ABCA1: variants seen among roughly 807,000 people sequenced by gnomAD.
The protein encoded by ABCA1 is ATP binding cassette subfamily A member 1, also known as phospholipid-transporting ATPase ABCA1.
ABCA1 carries 133 observed loss-of-function variants against 262.5 expected under a neutral mutation model. That is an observed-to-expected ratio of 0.51 (90% CI 0.44 to 0.59). The LOEUF is 0.59. ABCA1 is among the 20% of genes least tolerant of loss of function. The probability of loss-of-function intolerance (pLI) is 0.00; values close to 1 mark genes in which losing one functional copy is unlikely to be tolerated. For synonymous variants in ABCA1, 1,022 were observed against 1,043.5 expected, an observed-to-expected ratio of 0.98 and a Z score of 0.40; for missense variants, 2,452 against 2,777.5, an observed-to-expected ratio of 0.88 and a Z score of 2.63.
chr9:104,912,038 AATAAG>A (rs1276826522), intron 1 of ABCA1, among the ~76,000 whole-genome samples: 1 of 152,246 alleles, frequency 6.6e-6, no homozygotes, highest in Non-Finnish European at 1.5e-5. Flanking sequence ...TGTTAGTTAC[AATAAG>A]ATAATAGGTA....
chr9:104,804,826 T>C (rs1830629273), intron 31 of ABCA1, 106 bp from the exon 32 acceptor site: 4 of 957,604 alleles, frequency 4.2e-6, no homozygotes, highest in African/African-American at 1.6e-5. Flanking sequence ...ACCGGAAACC[T>C]GACTACAGGT....
chr9:104,794,512 T>TG lies in ABCA1; in HGVS notation c.5383-3_5383-2insC. On this transcript the variant is annotated splice_polypyrimidine_tract_variant and splice_region_variant and intron_variant, in intron 39 of 49. Transcript: ENST00000374736. ...GATATCATTGATATTATTCAGCTTC[T>TG]AAAAAAAAAAAAAAAAAATGGGAGG... is the stretch of plus-strand genomic sequence containing the variant. 3 of 1,288,030 alleles carry TG rather than the reference T, an allele frequency of 2.3e-6. No homozygotes were observed. The South Asian group carries it at 4.3e-5, about 19-fold the overall frequency. The allele number at this position is 1,288,030 out of a possible 1,614,324, so 79.8% of individuals were successfully genotyped here.
chr9:104,824,475 T>G lies in ABCA1; in HGVS notation c.2646A>C (p.Arg882Ser). ...GTCAACAGCACTTACTTTCTGATAT[T>G]CTCTTCTGGTTGGAACCAGGGTGGC... Reference protein sequence around the residue: ...EKSHPGSNQKRISEICMEEEP... With the variant: ...EKSHPGSNQKSISEICMEEEP... The change falls in exon 18 of 50, where the codon AGA becomes AGC. Residue 882 changes from arginine to serine, a missense_variant. Around this residue, in one of 4 missense-constraint regions of ABCA1, gnomAD observed 1,032 missense variants for 1,089.7 expected, o/e 0.95. Transcript: ENST00000374736. 1 of 1,614,108 alleles carries G rather than the reference T, an allele frequency of 6.2e-7. No homozygotes were observed. The highest frequency in any genetic ancestry group is 1.1e-5 in the South Asian group (1 of 91,084).
At chr9:104,856,070 C>T (rs1835812465) in intron 7 of ABCA1, 8 of 1,601,980 alleles carry the variant, frequency 5.0e-6, no homozygotes, top group Non-Finnish European at 6.8e-6. Context: ...TGTGCAATGT[C>T]ATCACATGTC....
Position 104,820,062 on chromosome 9 carries a change from CA to C in ABCA1, c.2967del (p.Val990SerfsTer11). On this transcript the variant is annotated frameshift_variant, in exon 21 of 50. Coordinates refer to ENST00000374736, the MANE Select transcript of ABCA1 (RefSeq NM_005502.4). LOFTEE classifies it high-confidence loss of function. ...PQHNVLFDML[T>X]VEEHIWFYAR... ...GCATAGAACCAGATGTGTTCTTCGA[CA>C]GTCAGCCTGGGGACAGGGAGGCAGG... 1 of 1,614,152 alleles carries C rather than the reference CA, an allele frequency of 6.2e-7. No individual in the cohort carries two copies. Among genetic ancestry groups the C allele is most frequent in the Non-Finnish European group, 8.5e-7 (1 of 1,180,028 alleles).
chr9:104,888,648 T>G lies in ABCA1; in HGVS notation c.160+454A>C, dbSNP rs75517332. ...TGATTGACAGATGATCTGAGTTCTA[T>G]TCAAGGTTGTTATGAGAATAAAATA... On this transcript the variant is annotated intron_variant, in intron 3 of 49. Transcript: ENST00000374736. Among the ~76,000 whole-genome samples, 171 of 152,306 alleles carry G rather than the reference T, an allele frequency of 1.1e-3. 2 individuals carry two copies. Among genetic ancestry groups the G allele is most frequent in the African/African-American group, 4.0e-3 (166 of 41,554 alleles).
rs1828709427 is a variant in ABCA1 at position 104,784,214 on chromosome 9, CCCACATCAACT to C, written c.*90_*100del. 6.7e-7 allele frequency: 1 copy of C among 1,482,146 alleles called. No homozygotes were observed. The highest frequency in any genetic ancestry group is 1.7e-5 in the Admixed American group (1 of 59,188). The allele number at this position is 1,482,146 out of a possible 1,614,324, so 91.8% of individuals were successfully genotyped here. A position where few individuals can be genotyped will look rare whatever the true frequency, so the allele number is the denominator to read the frequency against. On this transcript the variant is annotated 3_prime_UTR_variant, in exon 50 of 50. Coordinates refer to ENST00000374736, the MANE Select transcript of ABCA1 (RefSeq NM_005502.4). ...CAGTACAGTATCCAGTTTACTTCTT[CCCACATCAACT>C]TCTGGCTCTTTTCTCCACAACACTT...
rs535856127 is a variant in ABCA1, at chr9:104,797,260, A to G, written c.5122-836T>C. Among the ~76,000 whole-genome samples, 19 of 152,364 alleles carry G rather than the reference A, an allele frequency of 1.2e-4. No individual in the cohort carries two copies. The East Asian group carries it at 2.9e-3, about 23-fold the overall frequency. ...CAGCACTCAGTCTGTGTTTACTGAAAGGAGTAATTACTGAATCAAGATAAA... is the reference window on the plus strand; with the variant it reads ...CAGCACTCAGTCTGTGTTTACTGAAGGGAGTAATTACTGAATCAAGATAAA... On this transcript the variant is annotated intron_variant, in intron 37 of 49. Transcript: ENST00000374736.
At chr9:104,887,438 A>T (rs1324148132) in intron 3 of ABCA1, among the ~76,000 whole-genome samples, 1 of 148,834 alleles carries the variant, frequency 6.7e-6, no homozygotes, top group African/African-American at 2.6e-5. Context: ...GGTGAAGGGC[A>T]GAGGCAGGAT....
rs766003074 is a variant in ABCA1 at position 104,796,173 on chromosome 9, G to A, written c.5262C>T (p.Tyr1754=). The change falls in exon 39 of 50, where the codon TAC becomes TAT. Residue 1754 remains tyrosine, a synonymous_variant. Coordinates refer to ENST00000374736, the MANE Select transcript of ABCA1 (RefSeq NM_005502.4). ...GGATCTTGAACACAAAGGAGGCTGG[G>A]TACATGAGAGGTGTGATTGACCACC... ...LYGWSITPLM[Y]PASFVFKIPS... 1.2e-6 allele frequency: 2 copies of A among 1,614,046 alleles called. No homozygotes were observed. Among genetic ancestry groups the A allele is most frequent in the Admixed American group, 3.3e-5 (2 of 60,012 alleles).
At chr9:104,849,279 T>C (rs1039072797) in intron 7 of ABCA1, among the ~76,000 whole-genome samples, 1 of 152,206 alleles carries the variant, frequency 6.6e-6, no homozygotes, top group African/African-American at 2.4e-5. Context: ...CTTATTAAGT[T>C]TGCTGTGGGC....
intron 1 of ABCA1, among the ~76,000 whole-genome samples, chr9:104,912,152 A>T (rs73506129): frequency 0.017 from 2,603 of 152,354 alleles, 72 homozygotes; most frequent in African/African-American, 0.059. Context: ...ATTTGTAAAA[A>T]CTGAAACAAG....
At chr9:104,874,319 G>A (rs968132388) in intron 5 of ABCA1, among the ~76,000 whole-genome samples, 4 of 152,108 alleles carry the variant, frequency 2.6e-5, no homozygotes, top group Non-Finnish European at 4.4e-5. Context: ...CTGAAGTCAA[G>A]AGTTCAACAT....
chr9:104,858,018 C>T (rs2253175), intron 7 of ABCA1, among the ~76,000 whole-genome samples: 64,398 of 152,022 alleles, frequency 0.42, 16,895 homozygotes, highest in African/African-American at 0.75. Context: ...GAAAAAACTT[C>T]GTCGGAATTT....
At chr9:104,920,933 T>C (rs900261903) in intron 1 of ABCA1, among the ~76,000 whole-genome samples, 2 of 152,232 alleles carry the variant, frequency 1.3e-5, no homozygotes, top group Admixed American at 1.3e-4. Flanking sequence ...ATGATGAAAC[T>C]GAGGCAAAGA....
chr9:104,784,360 G>A lies in ABCA1; in HGVS notation c.6741C>T (p.Leu2247=). ...CTTTCTCATCCTGTAGAAAAGATGTGAGAACTGCAACGTCCACTACTGTCT... is the reference window on the plus strand; with the variant it reads ...CTTTCTCATCCTGTAGAAAAGATGTAAGAACTGCAACGTCCACTACTGTCT... ...KNQTVVDVAV[L]TSFLQDEKVK... The change falls in exon 50 of 50, where the codon CTC becomes CTT. Residue 2247 remains leucine (L), a synonymous_variant. Coordinates refer to ENST00000374736, the MANE Select transcript of ABCA1 (RefSeq NM_005502.4). 1.9e-6 allele frequency: 3 copies of A among 1,614,100 alleles called. No homozygotes were observed. The highest frequency in any genetic ancestry group is 1.6e-4 in the Middle Eastern group (1 of 6,062).
At chr9:104,832,886 C>T in intron 11 of ABCA1, 115 bp from the exon 12 acceptor site, 1 of 962,452 alleles carries the variant, frequency 1.0e-6, no homozygotes, top group South Asian at 1.4e-5. Context: ...TCACAGAAAA[C>T]TGAGGTAAAT....
At chr9:104,914,499 T>G (rs1289001697) in intron 1 of ABCA1, among the ~76,000 whole-genome samples, 1 of 149,232 alleles carries the variant, frequency 6.7e-6, no homozygotes, top group Admixed American at 6.7e-5. Context: ...AAACTCCATC[T>G]TAAAAAAAAA....
chr9:104,784,035 T>G lies in ABCA1; in HGVS notation c.*280A>C. ...GTGTGAGTTCAAACCCATATGTCCA[T>G]TGGGTTCCATAATAGAGTTTCACAT... On this transcript the variant is annotated 3_prime_UTR_variant, in exon 50 of 50. Transcript: ENST00000374736. 2.6e-6 allele frequency: 1 copy of G among 381,966 alleles called. No homozygotes were observed. The highest frequency in any genetic ancestry group is 4.8e-6 in the Non-Finnish European group (1 of 208,666). The allele number at this position is 381,966 out of a possible 1,614,324, so 23.7% of individuals were successfully genotyped here. A position where few individuals can be genotyped will look rare whatever the true frequency, so the allele number is the denominator to read the frequency against.
Sources: allele counts gnomAD v4.1 joint callset (sites outside exome capture counted in the v4.1 genomes callset), GRCh38; gene constraint gnomAD v4.1.1; regional missense constraint gnomAD v4.1.1; transcripts MANE v1.5; gene names NCBI Gene and HGNC (gene_info 2026-07-23, HGNC 2026-07-21).